Variants in ZNF804B observed in about 807,000 individuals in gnomAD.
ZNF804B encodes zinc finger protein 804B, also known as zinc finger 804B.
Under a neutral mutation model 101.4 loss-of-function variants are expected in ZNF804B, and 80 were observed. The ratio of observed to expected loss-of-function variants is 0.79; its 90% CI spans 0.66 to 0.95. The LOEUF (loss-of-function observed/expected upper bound fraction) is 0.95. Ranked by LOEUF, ZNF804B falls within the 40% of genes least tolerant of loss-of-function variation. ZNF804B has a pLI of 0.00. For missense variants in ZNF804B, 1,673 were observed against 1,561.9 expected (o/e 1.07, Z -1.20); for synonymous variants, 622 against 558.8 (o/e 1.11, Z -1.59).
chr7:89,014,491 T>C (rs1050797001), intron 1 of ZNF804B, among the ~76,000 whole-genome samples: 2 of 152,170 alleles, frequency 1.3e-5, no homozygotes, highest in African/African-American at 4.8e-5. Flanking sequence ...TAATTTTTTG[T>C]ATTTTTAGTA....
At position 89,254,834 on chromosome 7, in the gene ZNF804B, C is replaced by A. The variant is rs550294081; in HGVS notation, c.249+36539C>A. Among the ~76,000 whole-genome samples, 310 of 151,776 alleles carry A rather than the reference C, an allele frequency of 2.0e-3. 1 individual carries two copies. The highest frequency in any genetic ancestry group is 7.2e-3 in the African/African-American group (296 of 41,374). On this transcript the variant is annotated intron_variant, in intron 2 of 3. Transcript: ENST00000333190. ...CTAATTTTTGTATTTTTAGTAGAGA[C>A]GGGGTTTCACCATGTTGGCCAAGCT... is the stretch of plus-strand genomic sequence containing the variant.
intron 2 of ZNF804B, among the ~76,000 whole-genome samples, chr7:89,255,667 G>T (rs1172351330): frequency 1.3e-5 from 2 of 152,092 alleles, no homozygotes; most frequent in Non-Finnish European, 2.9e-5. Context: ...CTTTATAATT[G>T]TAGTGGAGGA....
chr7:89,059,235 G>A (rs1789339051), intron 1 of ZNF804B, among the ~76,000 whole-genome samples: 1 of 152,102 alleles, frequency 6.6e-6, no homozygotes, highest in Non-Finnish European at 1.5e-5. Context: ...TTATTACTTT[G>A]TGCATTAGTC....
At chr7:88,835,324 G>A (rs981922605) in intron 1 of ZNF804B, among the ~76,000 whole-genome samples, 2 of 151,860 alleles carry the variant, frequency 1.3e-5, no homozygotes, top group South Asian at 2.1e-4. Flanking sequence ...CCCTTGTGTC[G>A]ATATATTGAA....
At chr7:89,219,798 C>G (rs571330473) in intron 2 of ZNF804B, among the ~76,000 whole-genome samples, 2 of 150,518 alleles carry the variant, frequency 1.3e-5, no homozygotes, top group Non-Finnish European at 3.0e-5. Flanking sequence ...ATAAATCTTT[C>G]GTCAGACATC....
chr7:88,869,013 G>A (rs1791777020), intron 1 of ZNF804B, among the ~76,000 whole-genome samples: 1 of 152,098 alleles, frequency 6.6e-6, no homozygotes, highest in African/African-American at 2.4e-5. Flanking sequence ...TTTTAGTGGA[G>A]TGAGAAGAAT....
chr7:89,099,313 C>T (rs1790017788), intron 1 of ZNF804B, among the ~76,000 whole-genome samples: 1 of 151,680 alleles, frequency 6.6e-6, no homozygotes. Context: ...CAGCTATATA[C>T]AAATATATAA....
At chr7:89,105,314 A>C (rs779266368) in intron 1 of ZNF804B, among the ~76,000 whole-genome samples, 3 of 152,072 alleles carry the variant, frequency 2.0e-5, no homozygotes, top group Non-Finnish European at 4.4e-5. Flanking sequence ...CTTTTTTATT[A>C]GTTTGCATTT....
intron 1 of ZNF804B, among the ~76,000 whole-genome samples, chr7:89,195,118 G>A (rs1443387566): frequency 1.3e-4 from 20 of 150,576 alleles, no homozygotes; most frequent in African/African-American, 4.4e-4. Flanking sequence ...ATGCAGAAAA[G>A]GCCTTTGACA....
intron 2 of ZNF804B, among the ~76,000 whole-genome samples, chr7:89,228,691 C>A (rs1419904610): frequency 1.3e-5 from 2 of 152,212 alleles, no homozygotes; most frequent in Non-Finnish European, 2.9e-5. Flanking sequence ...GACTCAGGAG[C>A]CCAGCTGGCT....
intron 1 of ZNF804B, among the ~76,000 whole-genome samples, chr7:88,828,429 A>G (rs976136505): frequency 6.6e-6 from 1 of 151,912 alleles, no homozygotes; most frequent in Non-Finnish European, 1.5e-5. Flanking sequence ...ATGTTCATGC[A>G]ATGCAGGGTC....
intron 2 of ZNF804B, 33 bp from the exon 3 acceptor site, chr7:89,327,311 A>C (rs746637731): frequency 1.9e-6 from 3 of 1,558,968 alleles, no homozygotes; most frequent in Non-Finnish European, 2.6e-6. Flanking sequence ...TTATTTATTT[A>C]TAGTACCTTT....
chr7:88,926,243 T>A (rs553712579), intron 1 of ZNF804B, among the ~76,000 whole-genome samples: 32 of 152,200 alleles, frequency 2.1e-4, no homozygotes, highest in African/African-American at 7.7e-4. Flanking sequence ...GTCACGAAGA[T>A]CTGGGAAATC....
intron 1 of ZNF804B, among the ~76,000 whole-genome samples, chr7:89,161,172 C>T (rs1791056926): frequency 6.6e-6 from 1 of 151,992 alleles, no homozygotes; most frequent in Non-Finnish European, 1.5e-5. Flanking sequence ...CCTCCGCAGC[C>T]TGTGAAAGCA....
intron 1 of ZNF804B, among the ~76,000 whole-genome samples, chr7:89,031,928 A>G (rs1431185157): frequency 6.6e-6 from 1 of 151,666 alleles, no homozygotes; most frequent in Non-Finnish European, 1.5e-5. Flanking sequence ...GCTAGATTTT[A>G]TTTCATATTG....
intron 1 of ZNF804B, among the ~76,000 whole-genome samples, chr7:89,106,031 A>G (rs1293663776): frequency 6.6e-6 from 1 of 152,172 alleles, no homozygotes; most frequent in Non-Finnish European, 1.5e-5. Context: ...AACACCCTCT[A>G]GGGACACCCA....
chr7:89,095,011 T>C (rs564907938), intron 1 of ZNF804B, among the ~76,000 whole-genome samples: 3 of 152,318 alleles, frequency 2.0e-5, no homozygotes, highest in East Asian at 1.9e-4. Flanking sequence ...ACTCTTATAA[T>C]GTGCTCTTCT....
chr7:89,153,450 A>G (rs925403016), intron 1 of ZNF804B, among the ~76,000 whole-genome samples: 10 of 149,852 alleles, frequency 6.7e-5, no homozygotes, highest in African/African-American at 2.4e-4. Flanking sequence ...TAATAATAAT[A>G]ATAATAATAA....
chr7:88,862,084 A>G (rs1251584362), intron 1 of ZNF804B, among the ~76,000 whole-genome samples: 1 of 152,218 alleles, frequency 6.6e-6, no homozygotes, highest in Non-Finnish European at 1.5e-5. Flanking sequence ...GAGATGTTTT[A>G]CTAAATAACG....
Sources: allele counts gnomAD v4.1 joint callset (sites outside exome capture counted in the v4.1 genomes callset), GRCh38; gene constraint gnomAD v4.1.1; transcripts MANE v1.5; gene names NCBI Gene and HGNC (gene_info 2026-07-23, HGNC 2026-07-21).